FPR3: variants seen among roughly 807,000 people sequenced by gnomAD.
The protein encoded by FPR3 is N-formyl peptide receptor 3.
For missense variants in FPR3, 346 were observed against 443.2 expected (o/e 0.78, Z 1.97); for synonymous variants, 135 against 163.6 (o/e 0.83, Z 1.34).
intron 1 of FPR3, chr19:51,805,170 C>T (rs2084050177): frequency 6.6e-6 from 1 of 152,196 alleles, no homozygotes; most frequent in African/African-American, 2.4e-5. Context: ...CTGCATATCC[C>T]CCTGTTTATG....
Position 51,799,136 on chromosome 19 carries a change from C to T in FPR3, c.-11+3805C>T, listed in dbSNP as rs76926569. Among the ~76,000 whole-genome samples, 229 of 152,166 alleles carry T rather than the reference C, an allele frequency of 1.5e-3. 4 individuals are homozygous for T. The East Asian group carries it at 0.041, about 27-fold the overall frequency. On this transcript the variant is annotated intron_variant, in intron 1 of 1. Coordinates refer to ENST00000339223, the MANE Select transcript of FPR3 (RefSeq NM_002030.5). ...GACATTTGCCCCTGAACTTGAAGTG[C>T]GCCACACCCCACTCCCACTGCCAGT...
intron 1 of FPR3, among the ~76,000 whole-genome samples, chr19:51,814,516 C>T (rs1276268712): frequency 6.6e-6 from 1 of 152,028 alleles, no homozygotes; most frequent in Non-Finnish European, 1.5e-5. Flanking sequence ...TGTTTTGAGA[C>T]AGAGTCCAGC....
chr19:51,819,612 A>G (rs2084172901), intron 1 of FPR3, among the ~76,000 whole-genome samples: 1 of 152,210 alleles, frequency 6.6e-6, no homozygotes, highest in Non-Finnish European at 1.5e-5. Flanking sequence ...GGTCATGTGT[A>G]TCCTTAGGAG....
intron 1 of FPR3, among the ~76,000 whole-genome samples, chr19:51,815,876 AAAGAAAAAAGAAAAAGAAG>A (rs374967755): frequency 0.025 from 3,854 of 151,622 alleles, 166 homozygotes; most frequent in African/African-American, 0.088. Flanking sequence ...AAAAAAGAAA[AAAGAAAAAAGAAAAAGAAG>A]AAGAAAAAGA....
intron 1 of FPR3, among the ~76,000 whole-genome samples, chr19:51,813,118 CAA>C (rs2084108972): frequency 7.9e-6 from 1 of 125,916 alleles, no homozygotes; most frequent in African/African-American, 3.3e-5. Flanking sequence ...TGCTCTGTCT[CAA>C]CACACACACA....
chr19:51,796,763 G>A (rs1280927653), intron 1 of FPR3, among the ~76,000 whole-genome samples: 1 of 152,202 alleles, frequency 6.6e-6, no homozygotes, highest in African/African-American at 2.4e-5. Flanking sequence ...AGAGTGGCAG[G>A]TCTGGGAGGC....
chr19:51,808,941 G>C lies in FPR3; in HGVS notation c.-11+13610G>C, dbSNP rs140800604. On this transcript the variant is annotated intron_variant, in intron 1 of 1. Coordinates refer to ENST00000339223, the MANE Select transcript of FPR3 (RefSeq NM_002030.5). ...GATCCACCCACACGGGTTTGTCACTGAGCCATTCTAATAGTGAGGCAGTGG... is the reference window on the plus strand; with the variant it reads ...GATCCACCCACACGGGTTTGTCACTCAGCCATTCTAATAGTGAGGCAGTGG... Among the ~76,000 whole-genome samples, 14 of 152,314 alleles carry C rather than the reference G, an allele frequency of 9.2e-5. No individual in the cohort carries two copies. In the East Asian group the frequency reaches 1.9e-3, roughly 21 times the overall value.
At chr19:51,799,577 T>C (rs2084017744) in intron 1 of FPR3, among the ~76,000 whole-genome samples, 1 of 152,230 alleles carries the variant, frequency 6.6e-6, no homozygotes, top group South Asian at 2.1e-4. Context: ...ACGGCACTAC[T>C]GCTTGCTGGT....
At chr19:51,803,683 G>A (rs940099858) in intron 1 of FPR3, 1 of 151,928 alleles carries the variant, frequency 6.6e-6, no homozygotes, top group Non-Finnish European at 1.5e-5. Flanking sequence ...ATGCAAGACA[G>A]AAAGTCAGGA....
chr19:51,802,022 T>C (rs1482571810), intron 1 of FPR3, among the ~76,000 whole-genome samples: 3 of 152,152 alleles, frequency 2.0e-5, no homozygotes, highest in African/African-American at 7.2e-5. Flanking sequence ...CACTTACAAA[T>C]TGGCTTGATC....
intron 1 of FPR3, 23 bp from the exon 2 acceptor site, chr19:51,823,716 T>C (rs2084207730): frequency 6.6e-7 from 1 of 1,513,558 alleles, no homozygotes; most frequent in Non-Finnish European, 8.9e-7. Flanking sequence ...AGCTGAGAAA[T>C]GGCCATTGCT....
chr19:51,805,969 G>A lies in FPR3; in HGVS notation c.-11+10638G>A, dbSNP rs532818778. On this transcript the variant is annotated intron_variant, in intron 1 of 1. Transcript: ENST00000339223. The stretch of plus-strand genomic sequence containing the variant: ...ATCAAAGTCGAGATATTATGTGTTC[G>A]CAATGTGCTATGATTAATGCAGTGA... Among the ~76,000 whole-genome samples, 137 of 152,234 alleles carry A rather than the reference G, an allele frequency of 9.0e-4. 2 individuals carry two copies. Among genetic ancestry groups the A allele is most frequent in the Admixed American group, 2.8e-3 (43 of 15,296 alleles).
intron 1 of FPR3, among the ~76,000 whole-genome samples, chr19:51,804,378 G>A (rs1440512194): frequency 6.6e-6 from 1 of 152,050 alleles, no homozygotes; most frequent in African/African-American, 2.4e-5. Flanking sequence ...TGATAAAAAG[G>A]AAATTAAATA....
Position 51,823,894 on chromosome 19 carries a change from G to A in FPR3, c.146G>A (p.Trp49Ter). ...GTCCTGGGCAATGGGCTTGTGATCT[G>A]GGTGGCTGGATTCCGGATGACACGC... ...FGVLGNGLVI[W>*]VAGFRMTRTV... Residue 49 changes from tryptophan to a stop codon, truncating the protein, a stop_gained, in exon 2 of 2, where the codon TGG becomes TAG. Coordinates refer to ENST00000339223, the MANE Select transcript of FPR3 (RefSeq NM_002030.5). LOFTEE classifies it low-confidence loss of function (END_TRUNC). 6.2e-7 allele frequency: 1 copy of A among 1,614,072 alleles called. No homozygotes were observed. Among genetic ancestry groups the A allele is most frequent in the Non-Finnish European group, 8.5e-7 (1 of 1,180,010 alleles).
Position 51,824,902 on chromosome 19 carries a change from A to G in FPR3, c.*92A>G. On this transcript the variant is annotated 3_prime_UTR_variant, in exon 2 of 2. Coordinates refer to ENST00000339223, the MANE Select transcript of FPR3 (RefSeq NM_002030.5). This position sits in a 1 kb window ranked among gnomAD's most constrained non-coding sequence, Gnocchi z 4.7. ...AGTGTTTTTCTTCCTCTTTCATACC[A>G]CCACCACCACAATCATCAACATAAA... The G allele has an allele frequency of 1.1e-6, 1 of 943,800 alleles. No homozygotes were observed. The highest frequency in any genetic ancestry group is 1.6e-6 in the Non-Finnish European group (1 of 632,990). 58.5% of individuals were successfully genotyped at this position (943,800 alleles called of 1,614,324 possible).
intron 1 of FPR3, among the ~76,000 whole-genome samples, chr19:51,801,378 G>A (rs950420278): frequency 2.0e-5 from 3 of 152,038 alleles, no homozygotes; most frequent in Non-Finnish European, 2.9e-5. Flanking sequence ...GGTTTGACTG[G>A]AAATTCAAAA....
intron 1 of FPR3, among the ~76,000 whole-genome samples, chr19:51,795,738 C>T (rs1368030389): frequency 6.6e-6 from 1 of 152,000 alleles, no homozygotes; most frequent in African/African-American, 2.4e-5. Flanking sequence ...TGGTCTTCAA[C>T]TCCTGACCTC....
At chr19:51,805,806 A>T (rs1025533980) in intron 1 of FPR3, among the ~76,000 whole-genome samples, 1 of 152,172 alleles carries the variant, frequency 6.6e-6, no homozygotes, top group Admixed American at 6.5e-5. Flanking sequence ...GATAGCAAAA[A>T]TTATCATGCC....
At chr19:51,819,301 C>G (rs1245161304) in intron 1 of FPR3, among the ~76,000 whole-genome samples, 3 of 151,982 alleles carry the variant, frequency 2.0e-5, no homozygotes, top group Non-Finnish European at 4.4e-5. Flanking sequence ...CCTGGGGAGG[C>G]CAGTGCTAAT....
Sources: allele counts gnomAD v4.1 joint callset (sites outside exome capture counted in the v4.1 genomes callset), GRCh38; gene constraint gnomAD v4.1.1; non-coding constraint Gnocchi (gnomAD v3.1); transcripts MANE v1.5; gene names NCBI Gene and HGNC (gene_info 2026-07-23, HGNC 2026-07-21).